The following CADM3 variants were observed in gnomAD, a reference collection of about 807,000 sequenced individuals.
The protein encoded by CADM3 is TSLC1-like 1.
Under a neutral mutation model 44.9 loss-of-function variants are expected in CADM3, and 11 were observed. The observed-to-expected ratio is 0.25, with a 90% confidence interval of 0.15 to 0.41. The LOEUF is 0.41. Ranked by LOEUF, CADM3 falls within the 10% of genes least tolerant of loss-of-function variation. CADM3 has a pLI of 1.00. For missense variants in CADM3, 426 were observed against 512.0 expected, an observed-to-expected ratio of 0.83 and a Z score of 1.62; for synonymous variants, 207 against 205.2, an observed-to-expected ratio of 1.01 and a Z score of -0.08.
chr1:159,187,551 A>T (rs1397213582), intron 1 of CADM3, among the ~76,000 whole-genome samples: 1 of 152,210 alleles, frequency 6.6e-6, no homozygotes, highest in Non-Finnish European at 1.5e-5. Context: ...TTCGTGGTTG[A>T]AAATCCACTC....
intron 6 of CADM3, 63 bp downstream of exon 6, chr1:159,196,517 A>G (rs1649899889): frequency 5.3e-6 from 7 of 1,308,664 alleles, no homozygotes; most frequent in Non-Finnish European, 5.5e-6. Context: ...CCTTCTTCAC[A>G]TAACAGCTCC....
At chr1:159,200,682 G>C in intron 8 of CADM3, 122 bp from the exon 9 acceptor site, 1 of 654,430 alleles carries the variant, frequency 1.5e-6, no homozygotes, top group Non-Finnish European at 2.6e-6. Context: ...GAGTAGAAGA[G>C]AGCTATTGGC....
intron 1 of CADM3, among the ~76,000 whole-genome samples, chr1:159,176,149 A>G (rs1571003699): frequency 6.6e-6 from 1 of 152,204 alleles, no homozygotes; most frequent in Non-Finnish European, 1.5e-5. Context: ...TTACCTAAGG[A>G]TGGTGATCTA....
At chr1:159,179,408 C>T (rs1649144261) in intron 1 of CADM3, among the ~76,000 whole-genome samples, 1 of 152,202 alleles carries the variant, frequency 6.6e-6, no homozygotes, top group Non-Finnish European at 1.5e-5. Flanking sequence ...ACCTTTGGCT[C>T]ATTTACTTCT....
chr1:159,201,097 A>C lies in CADM3; in HGVS notation c.*175A>C. ...GGTGCGGTTTTGTACTCGGTTTGGA[A>C]TGGGGAGGGAGGAGGGCGGGGGGAG... is the stretch of plus-strand genomic sequence containing the variant. On this transcript the variant is annotated 3_prime_UTR_variant, in exon 9 of 9. Coordinates refer to ENST00000368125, the MANE Select transcript of CADM3 (RefSeq NM_001127173.3). 2 of 163,618 alleles carry C rather than the reference A, an allele frequency of 1.2e-5. No homozygotes were observed. The highest frequency in any genetic ancestry group is 2.7e-5 in the Non-Finnish European group (2 of 74,142). The allele number at this position is 163,618 out of a possible 1,614,324, so 10.1% of individuals were successfully genotyped here.
At chr1:159,194,176 G>A (rs960179755) in intron 5 of CADM3, 136 bp downstream of exon 5, 4 of 955,336 alleles carry the variant, frequency 4.2e-6, no homozygotes, top group East Asian at 2.5e-5. Context: ...AGACTGCCAG[G>A]ACTAGGCCAG....
At chr1:159,196,639 TC>T in intron 6 of CADM3, 185 bp downstream of exon 6, 1 of 635,398 alleles carries the variant, frequency 1.6e-6, no homozygotes, top group South Asian at 2.0e-5. Context: ...AAGGGGCCAC[TC>T]CCTAACTCAG....
chr1:159,200,874 AGAAGGCGG>A lies in CADM3; in HGVS notation c.1151_1158del (p.Glu384AlafsTer101), dbSNP rs1233935764. On this transcript the variant is annotated frameshift_variant, in exon 9 of 9. Transcript: ENST00000368125. LOFTEE classifies it high-confidence loss of function. ...ACGCGGACACGGCCATCATCAATGC[AGAAGGCGG>A]GCAGTCAGGAGGGGACGACAAGAAG... 6.2e-7 allele frequency: 1 copy of A among 1,610,824 alleles called. No homozygotes were observed. The highest frequency in any genetic ancestry group is 8.5e-7 in the Non-Finnish European group (1 of 1,178,436).
intron 1 of CADM3, among the ~76,000 whole-genome samples, chr1:159,173,008 C>A (rs1321760124): frequency 6.6e-6 from 1 of 152,078 alleles, no homozygotes; most frequent in Non-Finnish European, 1.5e-5. Context: ...CTCCTCCCCC[C>A]ACCGCCCTGT....
intron 1 of CADM3, among the ~76,000 whole-genome samples, chr1:159,173,233 G>T (rs1308402488): frequency 6.6e-6 from 1 of 151,848 alleles, no homozygotes; most frequent in African/African-American, 2.4e-5. Context: ...GCGGGGCGGG[G>T]GTGGAGAGGG....
chr1:159,193,327 C>T, intron 3 of CADM3, 96 bp from the exon 4 acceptor site: 1 of 1,268,254 alleles, frequency 7.9e-7, no homozygotes, highest in Non-Finnish European at 1.1e-6. Flanking sequence ...TATAGTAGAA[C>T]CCAGGTACGC....
intron 1 of CADM3, among the ~76,000 whole-genome samples, chr1:159,175,224 T>C (rs1317508391): frequency 6.6e-6 from 1 of 152,252 alleles, no homozygotes; most frequent in Non-Finnish European, 1.5e-5. Flanking sequence ...GTTGCAGCTG[T>C]AACTCTTGGG....
At chr1:159,194,574 G>A (rs862991) in intron 5 of CADM3, 102,281 of 152,340 alleles carry the variant, frequency 0.67, 35,254 homozygotes, top group East Asian at 0.93. Context: ...AGAGATGAGC[G>A]TGGGGATCAC....
At chr1:159,189,918 C>A in intron 1 of CADM3, 3 of 1,312,242 alleles carry the variant, frequency 2.3e-6, no homozygotes, top group Non-Finnish European at 3.2e-6. Flanking sequence ...AGTTCCCTCA[C>A]TCATCCTCAC....
At chr1:159,175,290 C>G (rs1478502806) in intron 1 of CADM3, among the ~76,000 whole-genome samples, 1 of 152,194 alleles carries the variant, frequency 6.6e-6, no homozygotes, top group Admixed American at 6.5e-5. Context: ...AAGTTAAGAC[C>G]ATCACAGAGA....
rs1477676965 is a variant in CADM3 at position 159,201,130 on chromosome 1, T to G, written c.*208T>G. ...GGAGGAGGGCGGGGGGAGGGGAGGGTTGCCCTCAGCCCTTTCCGTGGCTTC... is the reference window on the plus strand; with the variant it reads ...GGAGGAGGGCGGGGGGAGGGGAGGGGTGCCCTCAGCCCTTTCCGTGGCTTC... On this transcript the variant is annotated 3_prime_UTR_variant, in exon 9 of 9. Transcript: ENST00000368125. The G allele has an allele frequency of 2.8e-5, 8 of 286,454 alleles. No homozygotes were observed. The highest frequency in any genetic ancestry group is 4.9e-5 in the African/African-American group (2 of 40,648). 17.7% of individuals were successfully genotyped at this position (286,454 alleles called of 1,614,324 possible). A position where few individuals can be genotyped will look rare whatever the true frequency, so the allele number is the denominator to read the frequency against.
At position 159,171,680 on chromosome 1, in the gene CADM3, A is replaced by G; in HGVS notation, c.-86A>G. ...CGGCTCGGGGGCGCCCTTTCGGTCA[A>G]CATCGTAGTCCACCCCCTCCCCATC... On this transcript the variant is annotated 5_prime_UTR_variant, in exon 1 of 9. Coordinates refer to ENST00000368125, the MANE Select transcript of CADM3 (RefSeq NM_001127173.3). 9.5e-7 allele frequency: 1 copy of G among 1,051,722 alleles called. No individual in the cohort carries two copies. The highest frequency in any genetic ancestry group is 1.2e-6 in the Non-Finnish European group (1 of 824,130). The allele number at this position is 1,051,722 out of a possible 1,614,324, so 65.1% of individuals were successfully genotyped here.
chr1:159,191,803 C>A (rs1649671311), intron 1 of CADM3, 133 bp from the exon 2 acceptor site: 2 of 1,008,882 alleles, frequency 2.0e-6, no homozygotes, highest in Admixed American at 2.3e-5. Context: ...CCCCATGAAA[C>A]CTTACGGGTA....
intron 7 of CADM3, 131 bp downstream of exon 7, chr1:159,197,191 C>A: frequency 1.1e-6 from 1 of 910,124 alleles, no homozygotes. Flanking sequence ...CAGCCCACCA[C>A]TGGGGTCCCT....
Sources: gnomAD v4.1 joint callset for allele counts (sites outside exome capture counted in the v4.1 genomes callset) on GRCh38, gnomAD v4.1.1 for gene constraint, MANE v1.5 for transcripts, NCBI Gene and HGNC (gene_info 2026-07-23, HGNC 2026-07-21) for gene names.